The following COA7 variants were observed in gnomAD, a reference collection of about 807,000 sequenced individuals.
COA7 encodes cytochrome c oxidase assembly factor 7, also known as Sel1 repeat containing 1.
Under a neutral mutation model 21.0 loss-of-function variants are expected in COA7, and 12 were observed. That is an observed-to-expected ratio of 0.57 (90% CI 0.37 to 0.92). The LOEUF is 0.92. Ranked by LOEUF, COA7 falls within the 40% of genes least tolerant of loss-of-function variation. The pLI, the probability that COA7 is intolerant of heterozygous loss-of-function variation, is 0.01. For synonymous variants in COA7, 95 were observed against 107.4 expected (o/e 0.88, Z 0.72); for missense variants, 240 against 286.1 (o/e 0.84, Z 1.16).
rs1643988882 is a variant in COA7, at chr1:52,684,678, A to C, written c.*3042T>G. 1 of 152,144 alleles carries C rather than the reference A, an allele frequency of 6.6e-6. No homozygotes were observed. Among genetic ancestry groups the C allele is most frequent in the Non-Finnish European group, 1.5e-5 (1 of 68,022 alleles). The allele number at this position is 152,144 out of a possible 1,614,324, so 9.4% of individuals were successfully genotyped here. A position where few individuals can be genotyped will look rare whatever the true frequency, so the allele number is the denominator to read the frequency against. Reference sequence around the variant, plus strand: ...TTAGGGTTCACTCTTGGTGTTGTACATTTTAGGGGGTTGGACATATGTACA... The same window carrying C: ...TTAGGGTTCACTCTTGGTGTTGTACCTTTTAGGGGGTTGGACATATGTACA... On this transcript the variant is annotated 3_prime_UTR_variant, in exon 3 of 3. Transcript: ENST00000371538.
chr1:52,690,667 C>CATTTATTTATTTATTTATTT (rs59584460), intron 2 of COA7, among the ~76,000 whole-genome samples: 3 of 149,500 alleles, frequency 2.0e-5, no homozygotes, highest in African/African-American at 7.4e-5. Flanking sequence ...CATTTATTTA[C>CATTTATTTATTTATTTATTT]ATTTATTTAT....
chr1:52,694,395 G>C (rs1202566660), intron 1 of COA7, among the ~76,000 whole-genome samples: 3 of 147,516 alleles, frequency 2.0e-5, no homozygotes. Flanking sequence ...GGGAGGCGGA[G>C]ACTGCGGTGA....
At position 52,698,323 on chromosome 1, in the gene COA7, C is replaced by T. The variant is rs1375238492; in HGVS notation, c.4G>A (p.Ala2Thr). 1 of 1,609,224 alleles carries T rather than the reference C, an allele frequency of 6.2e-7. No individual in the cohort carries two copies. The highest frequency in any genetic ancestry group is 8.5e-7 in the Non-Finnish European group (1 of 1,178,832). The change falls in exon 1 of 3, where the codon GCC becomes ACC. Residue 2 changes from alanine to threonine, a missense_variant. Ala to Thr is a moderately conservative substitution (Grantham distance 58). Transcript: ENST00000371538. Reference sequence around the variant, plus strand: ...TCATCCTGGAAGTCCACCATGCCGGCCATGGTTCGCGCCGGCCCAAAGACG... The same window carrying T: ...TCATCCTGGAAGTCCACCATGCCGGTCATGGTTCGCGCCGGCCCAAAGACG... M[A>T]GMVDFQDEEQ...
At chr1:52,696,278 A>T (rs964494879) in intron 1 of COA7, among the ~76,000 whole-genome samples, 1 of 152,144 alleles carries the variant, frequency 6.6e-6, no homozygotes, top group Non-Finnish European at 1.5e-5. Context: ...GGTTCAAGCC[A>T]TTCTCCTGTC....
In COA7 at chr1:52,687,779, G is replaced by A. The variant is rs149085843; in HGVS notation, c.637C>T (p.Arg213Ter). ...DEAKAEVLKN[R>*]AQQLHKEQQK... ...TGTTCTTTGTGTAGCTGCTGGGCTC[G>A]ATTTTTTAGCACCTCGGCCTTGGCC... Residue 213 changes from arginine (R) to a stop codon, truncating the protein, a stop_gained, in exon 3 of 3, where the codon CGA (arginine) becomes TGA (stop). Transcript: ENST00000371538. LOFTEE classifies it high-confidence loss of function. 1.2e-5 allele frequency: 19 copies of A among 1,614,124 alleles called. No homozygotes were observed. The highest frequency in any genetic ancestry group is 1.5e-5 in the Non-Finnish European group (18 of 1,180,044).
intron 2 of COA7, among the ~76,000 whole-genome samples, chr1:52,688,686 G>GA (rs957556111): frequency 1.3e-5 from 2 of 151,112 alleles, no homozygotes; most frequent in African/African-American, 2.4e-5. Flanking sequence ...ACCTCAAAAA[G>GA]AAAAAAAAAT....
At chr1:52,698,136 C>T (rs1326902331) in intron 1 of COA7, 85 bp downstream of exon 1, 2 of 971,306 alleles carry the variant, frequency 2.1e-6, no homozygotes, top group African/African-American at 1.6e-5. Context: ...GTGATTCCTT[C>T]TCCAGCCTCT....
intron 1 of COA7, among the ~76,000 whole-genome samples, chr1:52,694,463 A>G (rs904416013): frequency 4.0e-4 from 58 of 145,012 alleles, no homozygotes; most frequent in Non-Finnish European, 5.3e-4. Flanking sequence ...TCCATCTCGA[A>G]AAAAAAAAAA....
Position 52,692,771 on chromosome 1 carries a change from C to T in COA7, c.203G>A (p.Ser68Asn), listed in dbSNP as rs752965642. The T allele has an allele frequency of 2.5e-6, 4 of 1,614,220 alleles. No homozygotes were observed. The highest frequency in any genetic ancestry group is 3.4e-6 in the Non-Finnish European group (4 of 1,180,040). Reference sequence around the variant, plus strand: ...GGCCCCCAGTTTGTAGCAGCTATCACTGTGCTGGTTCTCTTCACAGTTAAA... The same window carrying T: ...GGCCCCCAGTTTGTAGCAGCTATCATTGTGCTGGTTCTCTTCACAGTTAAA... ...LKFNCEENQH[S>N]DSCYKLGAYY... The change falls in exon 2 of 3, where the codon AGT becomes AAT. Residue 68 changes from serine (S) to asparagine (N), a missense_variant. Transcript: ENST00000371538.
Position 52,687,985 on chromosome 1 carries a change from C to T in COA7, c.431G>A (p.Gly144Asp). The T allele has an allele frequency of 4.3e-6, 7 of 1,614,206 alleles. No homozygotes were observed. Among genetic ancestry groups the T allele is most frequent in the Non-Finnish European group, 5.9e-6 (7 of 1,180,048 alleles). Residue 144 changes from glycine (G) to aspartate (D), a missense_variant, in exon 3 of 3, where the codon GGT becomes GAT. Gly to Asp is a moderately conservative substitution (Grantham distance 94). This residue lies in a region of COA7 where 163 missense variants were observed against 214.1 expected (regional missense o/e 0.76). Transcript: ENST00000371538. ...GTTGAAGCAACTGGAAGTATAGCCA[C>T]CATCACAGGCCCTTGTGTAGTAGTC... is the stretch of plus-strand genomic sequence containing the variant. ...ARDYYTRACD[G>D]GYTSSCFNLS...
At chr1:52,691,654 T>G (rs1644047856) in intron 2 of COA7, among the ~76,000 whole-genome samples, 2 of 151,972 alleles carry the variant, frequency 1.3e-5, no homozygotes, top group Non-Finnish European at 2.9e-5. Flanking sequence ...TTTTGTATTT[T>G]TAGTAGAGAT....
At chr1:52,694,873 A>G (rs1238858219) in intron 1 of COA7, among the ~76,000 whole-genome samples, 1 of 152,366 alleles carries the variant, frequency 6.6e-6, no homozygotes, top group East Asian at 1.9e-4. Context: ...TGGCTGAACC[A>G]AGGAGGAGGG....
At chr1:52,697,213 C>T (rs954552782) in intron 1 of COA7, among the ~76,000 whole-genome samples, 2 of 152,030 alleles carry the variant, frequency 1.3e-5, no homozygotes, top group South Asian at 2.1e-4. Context: ...GCCTGGACAA[C>T]GTAGTGACAT....
intron 1 of COA7, among the ~76,000 whole-genome samples, chr1:52,696,016 G>A (rs1260929934): frequency 6.6e-6 from 1 of 152,114 alleles, no homozygotes; most frequent in Non-Finnish European, 1.5e-5. Context: ...CCAAAAGATA[G>A]CACTTTCTTC....
At position 52,688,154 on chromosome 1, in the gene COA7, C is replaced by G; in HGVS notation, c.262G>C (p.Asp88His). ...AAGCACCTGGCGGCAGCTTTCAGGT[C>G]CTGGGTCAGACCACCTGAGAGGAAG... ...YVTGKGGLTQDLKAAARCFLM... is the reference protein window; with the variant it reads ...YVTGKGGLTQHLKAAARCFLM... Residue 88 changes from aspartate (D) to histidine (H), a missense_variant, in exon 3 of 3, where the codon GAC (aspartate) becomes CAC (histidine). Coordinates refer to ENST00000371538, the MANE Select transcript of COA7 (RefSeq NM_023077.3). The G allele has an allele frequency of 6.2e-7, 1 of 1,611,010 alleles. No homozygotes were observed. Among genetic ancestry groups the G allele is most frequent in the African/African-American group, 1.3e-5 (1 of 74,996 alleles).
chr1:52,698,272 T>C lies in COA7; in HGVS notation c.55A>G (p.Asn19Asp), dbSNP rs767224067. ...DEEQVKSFLENMEVECNYHCY... is the reference protein window; with the variant it reads ...DEEQVKSFLEDMEVECNYHCY... ...TGGTAGTTGCACTCCACCTCCATGT[T>C]CTCCAAAAAGGACTTGACCTGCTCC... is the stretch of plus-strand genomic sequence containing the variant. Residue 19 changes from asparagine (N) to aspartate (D), a missense_variant, in exon 1 of 3, where the codon AAC becomes GAC. By Grantham distance (23) the Asn-to-Asp change is conservative. Coordinates refer to ENST00000371538, the MANE Select transcript of COA7 (RefSeq NM_023077.3). The C allele has an allele frequency of 8.7e-6, 14 of 1,612,884 alleles. No individual in the cohort carries two copies. Among genetic ancestry groups the C allele is most frequent in the Admixed American group, 1.7e-5 (1 of 60,016 alleles).
At chr1:52,691,747 T>C (rs2149904564) in intron 2 of COA7, among the ~76,000 whole-genome samples, 1 of 152,304 alleles carries the variant, frequency 6.6e-6, no homozygotes, top group South Asian at 2.1e-4. Context: ...GTGCTGGGAT[T>C]ACAGGCATGA....
chr1:52,686,793 T>C lies in COA7; in HGVS notation c.*927A>G, dbSNP rs1644009588. 6.6e-6 allele frequency: 1 copy of C among 152,180 alleles called. No individual in the cohort carries two copies. Among genetic ancestry groups the C allele is most frequent in the Non-Finnish European group, 1.5e-5 (1 of 68,046 alleles). The allele number at this position is 152,180 out of a possible 1,614,324, so 9.4% of individuals were successfully genotyped here. A position where few individuals can be genotyped will look rare whatever the true frequency, so the allele number is the denominator to read the frequency against. On this transcript the variant is annotated 3_prime_UTR_variant, in exon 3 of 3. Transcript: ENST00000371538. ...CAACCACCACAAAGAACATACTCTC[T>C]ACGGTACCTGGAATCTGGAAAGAAC...
In COA7 at chr1:52,698,319, C is replaced by G; in HGVS notation, c.8G>C (p.Gly3Ala). The stretch of plus-strand genomic sequence containing the variant: ...CTCCTCATCCTGGAAGTCCACCATG[C>G]CGGCCATGGTTCGCGCCGGCCCAAA... MA[G>A]MVDFQDEEQV... Residue 3 changes from glycine to alanine, a missense_variant, in exon 1 of 3, where the codon GGC (glycine) becomes GCC (alanine). Gly to Ala is a moderately conservative substitution (Grantham distance 60). Coordinates refer to ENST00000371538, the MANE Select transcript of COA7 (RefSeq NM_023077.3). 1.2e-6 allele frequency: 2 copies of G among 1,610,288 alleles called. No homozygotes were observed. Among genetic ancestry groups the G allele is most frequent in the East Asian group, 4.5e-5 (2 of 44,776 alleles).
Sources: allele counts gnomAD v4.1 joint callset (sites outside exome capture counted in the v4.1 genomes callset), GRCh38; gene constraint gnomAD v4.1.1; regional missense constraint gnomAD v4.1.1; transcripts MANE v1.5; gene names NCBI Gene and HGNC (gene_info 2026-07-23, HGNC 2026-07-21).